Variants in RANBP17 observed in about 807,000 individuals in gnomAD.
The protein encoded by RANBP17 is ran-binding protein 17.
A neutral mutation model predicts 141.2 loss-of-function variants in RANBP17; 158 were observed. The ratio of observed to expected loss-of-function variants is 1.12; its 90% CI spans 0.98 to 1.28. The LOEUF is 1.28. Among genes scored for constraint, RANBP17 ranks in the 50% most tolerant of loss-of-function variants. The pLI is 0.00. For missense variants in RANBP17, 1,438 were observed against 1,290.7 expected, an observed-to-expected ratio of 1.11 and a Z score of -1.75; for synonymous variants, 430 against 450.0, an observed-to-expected ratio of 0.96 and a Z score of 0.56.
chr5:171,061,961 A>G (rs548708849), intron 14 of RANBP17, among the ~76,000 whole-genome samples: 6 of 151,870 alleles, frequency 4.0e-5, no homozygotes, highest in African/African-American at 1.4e-4. Context: ...CGTCTGTTTT[A>G]TCAGAGACTA....
chr5:171,243,334 C>T (rs936173607), intron 24 of RANBP17, among the ~76,000 whole-genome samples: 8 of 152,142 alleles, frequency 5.3e-5, no homozygotes, highest in Admixed American at 1.3e-4. Context: ...GAGATTCATT[C>T]ATGTTATTTT....
chr5:171,030,649 G>C (rs1781498151), intron 14 of RANBP17, among the ~76,000 whole-genome samples: 1 of 151,858 alleles, frequency 6.6e-6, no homozygotes, highest in African/African-American at 2.4e-5. Flanking sequence ...AATATATAAA[G>C]TAATTTAAAT....
At chr5:171,082,698 T>G (rs1308091208) in intron 14 of RANBP17, among the ~76,000 whole-genome samples, 2 of 152,160 alleles carry the variant, frequency 1.3e-5, no homozygotes, top group Admixed American at 6.6e-5. Flanking sequence ...ATAGAACCTA[T>G]TAAACAGTTA....
intron 14 of RANBP17, among the ~76,000 whole-genome samples, chr5:170,978,146 T>C (rs1296302380): frequency 6.6e-6 from 1 of 152,136 alleles, no homozygotes; most frequent in African/African-American, 2.4e-5. Flanking sequence ...TACTAATTAA[T>C]ACCTAAGTGA....
At chr5:171,121,899 C>T (rs758508345) in intron 14 of RANBP17, among the ~76,000 whole-genome samples, 12 of 152,120 alleles carry the variant, frequency 7.9e-5, no homozygotes, top group Non-Finnish European at 1.3e-4. Flanking sequence ...GCTACAGCAG[C>T]GTGGGGTGAG....
intron 14 of RANBP17, among the ~76,000 whole-genome samples, chr5:170,993,133 G>C (rs983380612): frequency 1.3e-5 from 2 of 151,948 alleles, no homozygotes; most frequent in Non-Finnish European, 1.5e-5. Flanking sequence ...AGAAGGGAAG[G>C]GGGAAAAAGC....
At chr5:171,007,312 A>T (rs1779712679) in intron 14 of RANBP17, among the ~76,000 whole-genome samples, 1 of 152,112 alleles carries the variant, frequency 6.6e-6, no homozygotes, top group African/African-American at 2.4e-5. Context: ...ATTGTCGGGC[A>T]GTGGGGGAGA....
chr5:171,064,492 T>C (rs1317862543), intron 14 of RANBP17, among the ~76,000 whole-genome samples: 2 of 152,136 alleles, frequency 1.3e-5, no homozygotes, highest in African/African-American at 4.8e-5. Context: ...CTTTGCCCAT[T>C]TGTTTGTTTT....
At chr5:170,896,175 T>G in intron 5 of RANBP17, 60 bp downstream of exon 5, 1 of 1,206,976 alleles carries the variant, frequency 8.3e-7, no homozygotes, top group Non-Finnish European at 1.2e-6. Context: ...CTGTTTCTTT[T>G]CTGCTTTTAT....
At chr5:171,252,374 C>G in intron 24 of RANBP17, 1 of 1,537,292 alleles carries the variant, frequency 6.5e-7, no homozygotes, top group South Asian at 1.1e-5. Flanking sequence ...AGATGTCTTA[C>G]TTGTGAAACT....
At chr5:171,108,942 G>T (rs894588118) in intron 14 of RANBP17, among the ~76,000 whole-genome samples, 1 of 152,158 alleles carries the variant, frequency 6.6e-6, no homozygotes, top group African/African-American at 2.4e-5. Flanking sequence ...CCAATGGACA[G>T]AATTTTCTCT....
At chr5:170,972,238 A>G (rs548556553) in intron 14 of RANBP17, among the ~76,000 whole-genome samples, 5 of 141,594 alleles carry the variant, frequency 3.5e-5, no homozygotes, top group African/African-American at 1.3e-4. Context: ...CTGGAGTGCA[A>G]TGGCGCCATC....
At position 171,273,512 on chromosome 5, in the gene RANBP17, G is replaced by A. The variant is rs757866893; in HGVS notation, c.2943+7665G>A. Among the ~76,000 whole-genome samples the A allele has an allele frequency of 2.0e-5, 3 of 152,172 alleles. No individual in the cohort carries two copies. In the South Asian group the frequency reaches 6.2e-4, roughly 31 times the overall value. On this transcript the variant is annotated intron_variant, in intron 25 of 27. Coordinates refer to ENST00000523189, the MANE Select transcript of RANBP17 (RefSeq NM_022897.5). ...AGGGGGCAGCCTCAGCACACCTCCA[G>A]CTAATTGTTGCCTTATAAGAAGGTC...
intron 21 of RANBP17, among the ~76,000 whole-genome samples, chr5:171,217,326 G>A (rs1006104518): frequency 2.6e-5 from 4 of 152,200 alleles, no homozygotes; most frequent in Non-Finnish European, 1.5e-5. Context: ...ATTTTATTGA[G>A]GATTTTCACG....
chr5:171,210,246 TAA>T (rs1762798068), intron 20 of RANBP17, among the ~76,000 whole-genome samples: 1 of 152,172 alleles, frequency 6.6e-6, no homozygotes, highest in Non-Finnish European at 1.5e-5. Flanking sequence ...TCTCACCCTG[TAA>T]TTGAGCCTGG....
chr5:170,979,176 A>G (rs1345900321), intron 14 of RANBP17, among the ~76,000 whole-genome samples: 3 of 152,208 alleles, frequency 2.0e-5, no homozygotes, highest in Non-Finnish European at 4.4e-5. Flanking sequence ...ATTCAGGATA[A>G]TGGTTATCTC....
chr5:170,958,510 A>AATATGT (rs1361105691), intron 13 of RANBP17, among the ~76,000 whole-genome samples: 5 of 152,202 alleles, frequency 3.3e-5, no homozygotes, highest in African/African-American at 1.2e-4. Flanking sequence ...TCTGGAAATA[A>AATATGT]ATATGTATTT....
chr5:171,233,034 G>C (rs1311572246), intron 22 of RANBP17, among the ~76,000 whole-genome samples: 3 of 152,024 alleles, frequency 2.0e-5, no homozygotes, highest in Non-Finnish European at 4.4e-5. Flanking sequence ...AACCAAAAAA[G>C]AAATTAACTA....
intron 12 of RANBP17, among the ~76,000 whole-genome samples, chr5:170,926,823 G>A (rs995538378): frequency 6.6e-6 from 1 of 152,046 alleles, no homozygotes; most frequent in Non-Finnish European, 1.5e-5. Context: ...CATATACAAA[G>A]AGTTATGAAT....
Sources: gnomAD v4.1 joint callset for allele counts (sites outside exome capture counted in the v4.1 genomes callset) on GRCh38, gnomAD v4.1.1 for gene constraint, MANE v1.5 for transcripts, NCBI Gene and HGNC (gene_info 2026-07-23, HGNC 2026-07-21) for gene names.